FAF1: variants seen among roughly 807,000 people sequenced by gnomAD.
FAF1 encodes FAS-associated factor 1.
A neutral mutation model predicts 92.5 loss-of-function variants in FAF1; 25 were observed. That is an observed-to-expected ratio of 0.27 (90% CI 0.20 to 0.38). FAF1 has a LOEUF of 0.38. Among genes scored for constraint, FAF1 ranks in the 10% least tolerant of loss-of-function variants. The pLI is 1.00. For synonymous variants in FAF1, 234 were observed against 273.2 expected, an observed-to-expected ratio of 0.86 and a Z score of 1.42; for missense variants, 636 against 793.3, an observed-to-expected ratio of 0.80 and a Z score of 2.38.
intron 2 of FAF1, among the ~76,000 whole-genome samples, chr1:50,802,349 C>T (rs1662027070): frequency 6.6e-6 from 1 of 152,162 alleles, no homozygotes; most frequent in Non-Finnish European, 1.5e-5. Flanking sequence ...CTCGGCCTCC[C>T]AAAGTGCTGG....
chr1:50,903,127 C>T (rs1179258703), intron 1 of FAF1, among the ~76,000 whole-genome samples: 2 of 151,794 alleles, frequency 1.3e-5, no homozygotes, highest in Non-Finnish European at 2.9e-5. Flanking sequence ...ATCTTTTTAT[C>T]CCCAGTGCAC....
At chr1:50,453,991 ATTCC>A (rs1048697195) in intron 18 of FAF1, among the ~76,000 whole-genome samples, 38 of 152,216 alleles carry the variant, frequency 2.5e-4, no homozygotes, top group Admixed American at 1.3e-4. Context: ...GTCCTCTGAG[ATTCC>A]TTGTCTGTTA....
chr1:50,745,144 C>G (rs1659538325), intron 4 of FAF1, among the ~76,000 whole-genome samples: 1 of 151,772 alleles, frequency 6.6e-6, no homozygotes, highest in African/African-American at 2.4e-5. Context: ...ATTAAAAATA[C>G]AAAAAAATTA....
chr1:50,906,706 C>T (rs963630718), intron 1 of FAF1, among the ~76,000 whole-genome samples: 19 of 152,080 alleles, frequency 1.2e-4, no homozygotes, highest in Non-Finnish European at 2.2e-4. Context: ...ATAGGAATGC[C>T]TGTGATTTTT....
rs140392832 is a variant in FAF1, at chr1:50,444,171, T to C, written c.1870-2648A>G. On this transcript the variant is annotated intron_variant, in intron 18 of 18. Coordinates refer to ENST00000396153, the MANE Select transcript of FAF1 (RefSeq NM_007051.3). ...CAATTGAGAGAAACCTAGGGGGATG[T>C]AGGACATCATGTTTCTCCCCAGCAA... Among the ~76,000 whole-genome samples, 457 of 152,346 alleles carry C rather than the reference T, an allele frequency of 3.0e-3. 5 individuals are homozygous for C. The highest frequency in any genetic ancestry group is 0.01 in the African/African-American group (416 of 41,590).
intron 8 of FAF1, among the ~76,000 whole-genome samples, chr1:50,613,337 TC>T (rs1486269159): frequency 2.6e-5 from 4 of 152,200 alleles, no homozygotes; most frequent in Non-Finnish European, 5.9e-5. Context: ...AAACTACCAA[TC>T]AAAATATGCA....
intron 7 of FAF1, among the ~76,000 whole-genome samples, chr1:50,700,341 T>C (rs1657414346): frequency 6.6e-6 from 1 of 152,078 alleles, no homozygotes; most frequent in African/African-American, 2.4e-5. Context: ...TCAAATCATT[T>C]GGAGTCGAAC....
At chr1:50,681,583 C>A (rs1053580681) in intron 7 of FAF1, among the ~76,000 whole-genome samples, 1 of 152,006 alleles carries the variant, frequency 6.6e-6, no homozygotes, top group Non-Finnish European at 1.5e-5. Context: ...TCTCGTCTCA[C>A]TGAAACCTCT....
intron 12 of FAF1, among the ~76,000 whole-genome samples, chr1:50,577,424 C>G (rs906838811): frequency 6.6e-6 from 1 of 152,184 alleles, no homozygotes; most frequent in Non-Finnish European, 1.5e-5. Context: ...ACTCAGGAGG[C>G]TGAGGCAGGA....
intron 6 of FAF1, among the ~76,000 whole-genome samples, chr1:50,730,472 G>A (rs1010993014): frequency 1.3e-5 from 2 of 151,614 alleles, no homozygotes; most frequent in African/African-American, 4.8e-5. Context: ...ATTAATTTCT[G>A]CTCTTTAATC....
At chr1:50,897,067 C>T (rs1249301182) in intron 1 of FAF1, among the ~76,000 whole-genome samples, 1 of 151,988 alleles carries the variant, frequency 6.6e-6, no homozygotes. Context: ...ACATTAGCTC[C>T]AATTAAAAAT....
intron 12 of FAF1, 123 bp from the exon 13 acceptor site, chr1:50,567,354 G>T (rs956016569): frequency 1.1e-5 from 7 of 614,524 alleles, no homozygotes; most frequent in African/African-American, 1.1e-4. Context: ...TATTCCCTAA[G>T]AGAGTACTTT....
intron 1 of FAF1, among the ~76,000 whole-genome samples, chr1:50,907,949 T>C (rs1375264368): frequency 6.6e-6 from 1 of 152,200 alleles, no homozygotes; most frequent in African/African-American, 2.4e-5. Context: ...ATCTAGTTCT[T>C]TTAATTGTGA....
At chr1:50,847,773 T>C (rs1644314278) in intron 2 of FAF1, among the ~76,000 whole-genome samples, 1 of 152,082 alleles carries the variant, frequency 6.6e-6, no homozygotes, top group South Asian at 2.1e-4. Flanking sequence ...TAACTGTATA[T>C]TATATAAATT....
chr1:50,746,719 G>T (rs1203425526), intron 4 of FAF1, among the ~76,000 whole-genome samples: 1 of 152,194 alleles, frequency 6.6e-6, no homozygotes, highest in Non-Finnish European at 1.5e-5. Flanking sequence ...GGCTGCAGAA[G>T]TTTACATAAG....
rs532833437 is a variant in FAF1, at chr1:50,513,388, G to A, written c.1495-21587C>T. Among the ~76,000 whole-genome samples the A allele has an allele frequency of 9.2e-5, 14 of 152,288 alleles. No homozygotes were observed. In the South Asian group the frequency reaches 2.5e-3, roughly 27 times the overall value. ...AATCCCAGCGATCAATACTTGAGAGGCTAAGGCAGGAGAATTGTTTGAGCC... is the reference window on the plus strand; with the variant it reads ...AATCCCAGCGATCAATACTTGAGAGACTAAGGCAGGAGAATTGTTTGAGCC... On this transcript the variant is annotated intron_variant, in intron 15 of 18. Transcript: ENST00000396153.
intron 1 of FAF1, among the ~76,000 whole-genome samples, chr1:50,894,304 TAA>T (rs34801737): frequency 7.9e-5 from 5 of 62,988 alleles, no homozygotes; most frequent in Admixed American, 1.9e-4. Flanking sequence ...GTCTCAAAAT[TAA>T]AAAAAAAAAA....
At chr1:50,850,369 CA>C (rs1201091505) in intron 2 of FAF1, among the ~76,000 whole-genome samples, 1 of 152,120 alleles carries the variant, frequency 6.6e-6, no homozygotes, top group Admixed American at 6.5e-5. Flanking sequence ...AATCCAGTAA[CA>C]GAGGCCTTTA....
chr1:50,685,072 T>G (rs1401764790), intron 7 of FAF1, among the ~76,000 whole-genome samples: 1 of 152,142 alleles, frequency 6.6e-6, no homozygotes, highest in Non-Finnish European at 1.5e-5. Flanking sequence ...CAGCTGAGTG[T>G]AGTCTTCTTG....
Sources: gnomAD v4.1 joint callset for allele counts (sites outside exome capture counted in the v4.1 genomes callset) on GRCh38, gnomAD v4.1.1 for gene constraint, MANE v1.5 for transcripts, NCBI Gene and HGNC (gene_info 2026-07-23, HGNC 2026-07-21) for gene names.